Variants in SLC45A3 observed in about 807,000 individuals in gnomAD.
The protein encoded by SLC45A3 is prostate cancer associated protein 2.
Under a neutral mutation model 35.3 loss-of-function variants are expected in SLC45A3, and 17 were observed. The observed-to-expected ratio is 0.48, with a 90% CI of 0.33 to 0.72. The LOEUF is 0.72. SLC45A3 is among the 30% of genes least tolerant of loss of function. The probability of loss-of-function intolerance (pLI) is 0.02; values close to 1 mark genes in which losing one functional copy is unlikely to be tolerated. For missense variants in SLC45A3, 597 were observed against 731.7 expected, an observed-to-expected ratio of 0.82 and a Z score of 2.12; for synonymous variants, 288 against 334.3, an observed-to-expected ratio of 0.86 and a Z score of 1.51.
chr1:205,657,887 A>G lies in SLC45A3; in HGVS notation c.*1347T>C, dbSNP rs1670952573. The G allele has an allele frequency of 4.9e-6, 1 of 203,628 alleles. No homozygotes were observed. The highest frequency in any genetic ancestry group is 2.3e-5 in the African/African-American group (1 of 43,646). 12.6% of individuals were successfully genotyped at this position (203,628 alleles called of 1,614,324 possible). ...GAAAGCCTTTAATTTTGTCACCATA[A>G]ACATTATACTCTGATTGCTCACTTA... On this transcript the variant is annotated 3_prime_UTR_variant, in exon 5 of 5. Coordinates refer to ENST00000367145, the MANE Select transcript of SLC45A3 (RefSeq NM_033102.3).
At chr1:205,667,724 C>A (rs1671142284) in intron 1 of SLC45A3, among the ~76,000 whole-genome samples, 1 of 151,864 alleles carries the variant, frequency 6.6e-6, no homozygotes, top group Non-Finnish European at 1.5e-5. Context: ...TAAAAATAAA[C>A]CACAGCTGTC....
chr1:205,680,104 T>C (rs1671380610), intron 1 of SLC45A3, among the ~76,000 whole-genome samples: 1 of 147,910 alleles, frequency 6.8e-6, no homozygotes. Flanking sequence ...CCGCCCCGCC[T>C]GGGACAGCGC....
intron 1 of SLC45A3, among the ~76,000 whole-genome samples, chr1:205,677,900 CT>C (rs1177464489): frequency 6.6e-5 from 10 of 152,068 alleles, no homozygotes; most frequent in Admixed American, 5.9e-4. Flanking sequence ...TTATAATCTA[CT>C]TAACAAAGCT....
At position 205,663,014 on chromosome 1, in the gene SLC45A3, C is replaced by G; in HGVS notation, c.777G>C (p.Arg259=). The change falls in exon 3 of 5, where the codon CGG becomes CGC. Residue 259 remains arginine, a synonymous_variant. Transcript: ENST00000367145. The stretch of plus-strand genomic sequence containing the variant: ...GCATGCGGCAGCACAGCTGGTGCAG[C>G]CGGGGAAGCAGGGCGCCCAGGTTCC... ...AFRNLGALLP[R]LHQLCCRMPR... is the part of the protein sequence containing the mutation. The G allele has an allele frequency of 6.2e-7, 1 of 1,611,344 alleles. No individual in the cohort carries two copies. Among genetic ancestry groups the G allele is most frequent in the Non-Finnish European group, 8.5e-7 (1 of 1,178,580 alleles).
intron 4 of SLC45A3, among the ~76,000 whole-genome samples, chr1:205,661,310 A>G (rs1470548190): frequency 6.6e-6 from 1 of 152,190 alleles, no homozygotes; most frequent in Non-Finnish European, 1.5e-5. Flanking sequence ...GGAGAAAGGG[A>G]AGGAGGCAAA....
Position 205,658,895 on chromosome 1 carries a change from G to A in SLC45A3, c.*339C>T. On this transcript the variant is annotated 3_prime_UTR_variant, in exon 5 of 5. Transcript: ENST00000367145. ...CCCTTCTCTAGGTGTGTCTCAACTA[G>A]GAGGCTAGCTGTTAACCCTGAGCCT... 1 of 311,090 alleles carries A rather than the reference G, an allele frequency of 3.2e-6. No homozygotes were observed. The highest frequency in any genetic ancestry group is 6.0e-6 in the Non-Finnish European group (1 of 167,162). 19.3% of individuals were successfully genotyped at this position (311,090 alleles called of 1,614,324 possible). A position where few individuals can be genotyped will look rare whatever the true frequency, so the allele number is the denominator to read the frequency against.
chr1:205,658,773 T>A lies in SLC45A3; in HGVS notation c.*461A>T, dbSNP rs1670966095. 4.1e-6 allele frequency: 1 copy of A among 243,694 alleles called. No individual in the cohort carries two copies. Among genetic ancestry groups the A allele is most frequent in the Non-Finnish European group, 8.1e-6 (1 of 123,204 alleles). The allele number at this position is 243,694 out of a possible 1,614,324, so 15.1% of individuals were successfully genotyped here. A position where few individuals can be genotyped will look rare whatever the true frequency, so the allele number is the denominator to read the frequency against. On this transcript the variant is annotated 3_prime_UTR_variant, in exon 5 of 5. Coordinates refer to ENST00000367145, the MANE Select transcript of SLC45A3 (RefSeq NM_033102.3). ...AATCCCATGGAGGAGTGTTTCATCCTAGAAACTCCCATGCAAGAGCTACAT... is the reference window on the plus strand; with the variant it reads ...AATCCCATGGAGGAGTGTTTCATCCAAGAAACTCCCATGCAAGAGCTACAT...
chr1:205,679,685 AACACACACACACACACACACACACAC>A (rs55762304), intron 1 of SLC45A3, among the ~76,000 whole-genome samples: 4 of 138,776 alleles, frequency 2.9e-5, no homozygotes, highest in South Asian at 5.0e-4. Flanking sequence ...GGGACACAGT[AACACACACACACACACACACACACAC>A]ACACACACAC....
Position 205,669,526 on chromosome 1 carries a change from G to A in SLC45A3, c.-230-4640C>T, listed in dbSNP as rs1265107983. ...TCCCTCTACTGACAGACAGAGGCCC[G>A]TGGAAGCCCAGGCTGGGGGCAGCCC... is the stretch of plus-strand genomic sequence containing the variant. On this transcript the variant is annotated intron_variant, in intron 1 of 4. Transcript: ENST00000367145. The surrounding 1 kb of genome is among the most constrained non-coding windows in gnomAD (Gnocchi z 4.1). Among the ~76,000 whole-genome samples, 1 of 152,080 alleles carries A rather than the reference G, an allele frequency of 6.6e-6. No individual in the cohort carries two copies. Among genetic ancestry groups the A allele is most frequent in the Admixed American group, 6.5e-5 (1 of 15,280 alleles).
chr1:205,666,103 C>T lies in SLC45A3; in HGVS notation c.-230-1217G>A, dbSNP rs1671113980. On this transcript the variant is annotated intron_variant, in intron 1 of 4. Transcript: ENST00000367145. This position sits in a 1 kb window ranked among gnomAD's most constrained non-coding sequence, Gnocchi z 4.1. Reference sequence around the variant, plus strand: ...CTCATGCCCTCTGCCAATCTCAGCACCTCATTATAAAAGGCATTTCAACTT... The same window carrying T: ...CTCATGCCCTCTGCCAATCTCAGCATCTCATTATAAAAGGCATTTCAACTT... Among the ~76,000 whole-genome samples the T allele has an allele frequency of 1.3e-5, 2 of 152,166 alleles. No individual in the cohort carries two copies. Among genetic ancestry groups the T allele is most frequent in the South Asian group, 2.1e-4 (1 of 4,828 alleles).
Position 205,663,316 on chromosome 1 carries a change from G to A in SLC45A3, c.475C>T (p.Gln159Ter), listed in dbSNP as rs1671062701. ...ATGAAGGCATAGACAGAGTAGGCCT[G>A]GCGACAGTGGTCCGGGTCCCGGAAG... ...DLFRDPDHCR[Q>*]AYSVYAFMIS... Residue 159 changes from glutamine (Q) to a stop codon, truncating the protein, a stop_gained, in exon 3 of 5, where the codon CAG becomes TAG. Coordinates refer to ENST00000367145, the MANE Select transcript of SLC45A3 (RefSeq NM_033102.3). LOFTEE classifies it high-confidence loss of function. 3 of 1,613,306 alleles carry A rather than the reference G, an allele frequency of 1.9e-6. No homozygotes were observed. In the Admixed American group the frequency reaches 5.0e-5, roughly 27 times the overall value.
chr1:205,659,472 C>G lies in SLC45A3; in HGVS notation c.1424G>C (p.Gly475Ala). 6.2e-7 allele frequency: 1 copy of G among 1,614,028 alleles called. No individual in the cohort carries two copies. The highest frequency in any genetic ancestry group is 1.7e-4 in the Middle Eastern group (1 of 6,060). Residue 475 changes from glycine to alanine, a missense_variant, in exon 5 of 5, where the codon GGT becomes GCT. Around this residue, in one of 3 missense-constraint regions of SLC45A3, gnomAD observed 555 missense variants for 664.9 expected, o/e 0.83. Transcript: ENST00000367145. This position sits in a 1 kb window ranked among gnomAD's most constrained non-coding sequence, Gnocchi z 5.8. Reference protein sequence around the residue: ...ACDVSVRVVVGEPTEARVVPG... With the variant: ...ACDVSVRVVVAEPTEARVVPG... ...AACCACCCTGGCCTCGGTGGGCTCA[C>G]CCACCACCACACGTACGGAGACATC...
rs2102403205 is a variant in SLC45A3 at position 205,662,549 on chromosome 1, A to G, written c.958+284T>C. On this transcript the variant is annotated intron_variant, in intron 3 of 4. Coordinates refer to ENST00000367145, the MANE Select transcript of SLC45A3 (RefSeq NM_033102.3). The surrounding 1 kb of genome is among the most constrained non-coding windows in gnomAD (Gnocchi z 6.2). Reference sequence around the variant, plus strand: ...CAGGCAGATCTGAAATCCAGCCTTAACTCCTCCACTCCCTCTAGACTTTGA... The same window carrying G: ...CAGGCAGATCTGAAATCCAGCCTTAGCTCCTCCACTCCCTCTAGACTTTGA... 7.7e-7 allele frequency: 1 copy of G among 1,301,960 alleles called. No homozygotes were observed. Among genetic ancestry groups the G allele is most frequent in the East Asian group, 3.0e-5 (1 of 33,228 alleles). 80.7% of individuals were successfully genotyped at this position (1,301,960 alleles called of 1,614,324 possible).
At position 205,666,451 on chromosome 1, in the gene SLC45A3, C is replaced by T. The variant is rs559774084; in HGVS notation, c.-230-1565G>A. Among the ~76,000 whole-genome samples, 11 of 152,282 alleles carry T rather than the reference C, an allele frequency of 7.2e-5. 1 individual carries two copies. Among genetic ancestry groups the T allele is most frequent in the African/African-American group, 2.4e-4 (10 of 41,554 alleles). ...TGAGCCTGGGAGGTCAAGGGTGCAGCGCGCAGTGATTGGACCACTGCCTCC... is the reference window on the plus strand; with the variant it reads ...TGAGCCTGGGAGGTCAAGGGTGCAGTGCGCAGTGATTGGACCACTGCCTCC... On this transcript the variant is annotated intron_variant, in intron 1 of 4. Coordinates refer to ENST00000367145, the MANE Select transcript of SLC45A3 (RefSeq NM_033102.3). This position sits in a 1 kb window ranked among gnomAD's most constrained non-coding sequence, Gnocchi z 4.1.
At chr1:205,678,867 C>T (rs2102411940) in intron 1 of SLC45A3, among the ~76,000 whole-genome samples, 1 of 152,308 alleles carries the variant, frequency 6.6e-6, no homozygotes, top group South Asian at 2.1e-4. Context: ...CCTCAAATTG[C>T]GTCCCACTTA....
rs576603681 is a variant in SLC45A3, at chr1:205,662,758, GC to G, written c.958+74del. On this transcript the variant is annotated intron_variant, in intron 3 of 4. Coordinates refer to ENST00000367145, the MANE Select transcript of SLC45A3 (RefSeq NM_033102.3). This position sits in a 1 kb window ranked among gnomAD's most constrained non-coding sequence, Gnocchi z 6.2. The stretch of plus-strand genomic sequence containing the variant: ...TCGGGGCCAGGATGGAGAGGCACCA[GC>G]CCAGACACAGCCCCGAGTGTCGTCT... 2.0e-6 allele frequency: 3 copies of G among 1,511,240 alleles called. No homozygotes were observed. The South Asian group carries it at 4.0e-5, about 20-fold the overall frequency. 93.6% of individuals were successfully genotyped at this position (1,511,240 alleles called of 1,614,324 possible). A position where few individuals can be genotyped will look rare whatever the true frequency, so the allele number is the denominator to read the frequency against.
chr1:205,680,083 C>T (rs1271246164), intron 1 of SLC45A3, among the ~76,000 whole-genome samples: 2 of 150,638 alleles, frequency 1.3e-5, no homozygotes, highest in East Asian at 2.0e-4. Context: ...GGCCGCTCCC[C>T]GCCCACACCG....
Position 205,662,110 on chromosome 1 carries a change from G to A in SLC45A3, c.975C>T (p.Ser325=). The change falls in exon 4 of 5, where the codon AGC becomes AGT. Residue 325 remains serine (S), a synonymous_variant. Coordinates refer to ENST00000367145, the MANE Select transcript of SLC45A3 (RefSeq NM_033102.3). The surrounding 1 kb of genome is among the most constrained non-coding windows in gnomAD (Gnocchi z 6.2). Reference sequence around the variant, plus strand: ...TGGCGCACTGCAGGAACAGCCCCAGGCTGCCCATCCGAACGCCTGCAGAGG... The same window carrying A: ...TGGCGCACTGCAGGAACAGCCCCAGACTGCCCATCCGAACGCCTGCAGAGG... ...RHYDEGVRMG[S]LGLFLQCAIS... 1 of 1,613,254 alleles carries A rather than the reference G, an allele frequency of 6.2e-7. No individual in the cohort carries two copies.
chr1:205,662,894 C>G lies in SLC45A3; in HGVS notation c.897G>C (p.Gly299=). 1.2e-6 allele frequency: 2 copies of G among 1,612,566 alleles called. No individual in the cohort carries two copies. Among genetic ancestry groups the G allele is most frequent in the Non-Finnish European group, 1.7e-6 (2 of 1,179,736 alleles). Residue 299 remains glycine (G), a synonymous_variant, in exon 3 of 5, where the codon GGG becomes GGC. Transcript: ENST00000367145. The surrounding 1 kb of genome is among the most constrained non-coding windows in gnomAD (Gnocchi z 6.2). ...TLFYTDFVGE[G]LYQGVPRAEP... is the part of the protein sequence containing the mutation. Reference sequence around the variant, plus strand: ...CAGCTCTGGGCACGCCCTGGTACAGCCCCTCGCCCACGAAATCCGTGTAAA... The same window carrying G: ...CAGCTCTGGGCACGCCCTGGTACAGGCCCTCGCCCACGAAATCCGTGTAAA...
Sources: gnomAD v4.1 joint callset for allele counts (sites outside exome capture counted in the v4.1 genomes callset) on GRCh38, gnomAD v4.1.1 for gene constraint, gnomAD v4.1.1 regional missense constraint, Gnocchi (gnomAD v3.1) non-coding constraint, MANE v1.5 for transcripts, NCBI Gene and HGNC (gene_info 2026-07-23, HGNC 2026-07-21) for gene names.